UNC5C: variants seen among roughly 807,000 people sequenced by gnomAD.
The protein encoded by UNC5C is unc-5 netrin receptor C.
UNC5C carries 47 observed loss-of-function variants against 99.8 expected under a neutral mutation model. The ratio of observed to expected loss-of-function variants is 0.47; its 90% confidence interval spans 0.37 to 0.60. The LOEUF (loss-of-function observed/expected upper bound fraction) is 0.60. Among genes scored for constraint, UNC5C ranks in the 20% least tolerant of loss-of-function variants. The pLI is 0.00. For synonymous variants in UNC5C, 487 were observed against 452.2 expected, an observed-to-expected ratio of 1.08 and a Z score of -0.98; for missense variants, 1,062 against 1,165.9, an observed-to-expected ratio of 0.91 and a Z score of 1.30.
At chr4:95,414,835 A>C (rs1333930944) in intron 1 of UNC5C, among the ~76,000 whole-genome samples, 2 of 152,208 alleles carry the variant, frequency 1.3e-5, no homozygotes, top group African/African-American at 4.8e-5. Flanking sequence ...ATTTTCTTCA[A>C]GGAGGTTATA....
At chr4:95,222,886 A>G (rs1285183561) in intron 7 of UNC5C, among the ~76,000 whole-genome samples, 4 of 152,308 alleles carry the variant, frequency 2.6e-5, no homozygotes, top group South Asian at 2.1e-4. Flanking sequence ...CAGTTTGTCA[A>G]TGCAATGGAA....
intron 1 of UNC5C, among the ~76,000 whole-genome samples, chr4:95,481,660 G>A (rs1257632163): frequency 1.3e-5 from 2 of 152,030 alleles, no homozygotes; most frequent in African/African-American, 4.8e-5. Flanking sequence ...CCAAAACAGA[G>A]ATATAGACCA....
chr4:95,423,657 A>C (rs894157146), intron 1 of UNC5C, among the ~76,000 whole-genome samples: 3 of 152,344 alleles, frequency 2.0e-5, no homozygotes, highest in African/African-American at 4.8e-5. Flanking sequence ...CATTTAAAGA[A>C]GACTTAGAAG....
At chr4:95,324,155 C>T (rs1560786327) in intron 2 of UNC5C, among the ~76,000 whole-genome samples, 1 of 152,184 alleles carries the variant, frequency 6.6e-6, no homozygotes, top group South Asian at 2.1e-4. Context: ...TGGAACCGGG[C>T]CACATGGCAG....
chr4:95,170,354 A>G (rs1252886684), intron 14 of UNC5C, 22 bp from the exon 15 acceptor site: 9 of 1,610,012 alleles, frequency 5.6e-6, no homozygotes, highest in East Asian at 2.2e-5. Context: ...GGACAGGAAC[A>G]ACACAGCATT....
At chr4:95,446,836 C>T (rs1428940711) in intron 1 of UNC5C, among the ~76,000 whole-genome samples, 2 of 151,514 alleles carry the variant, frequency 1.3e-5, no homozygotes, top group African/African-American at 4.8e-5. Context: ...AATAATGGAG[C>T]ATTAAATACG....
At chr4:95,234,916 T>A (rs1372559858) in intron 7 of UNC5C, among the ~76,000 whole-genome samples, 1 of 152,208 alleles carries the variant, frequency 6.6e-6, no homozygotes, top group Non-Finnish European at 1.5e-5. Context: ...TATCACATAA[T>A]GAATCCAAGT....
chr4:95,497,895 C>A (rs1721672464), intron 1 of UNC5C, among the ~76,000 whole-genome samples: 2 of 151,760 alleles, frequency 1.3e-5, no homozygotes, highest in Admixed American at 1.3e-4. Context: ...TCATATAATC[C>A]TACATAATTC....
intron 1 of UNC5C, among the ~76,000 whole-genome samples, chr4:95,447,119 T>C (rs1488495223): frequency 6.6e-6 from 1 of 152,214 alleles, no homozygotes; most frequent in African/African-American, 2.4e-5. Context: ...TCTAGATACA[T>C]CTTCTTAGAT....
chr4:95,381,176 T>C (rs964284236), intron 1 of UNC5C, among the ~76,000 whole-genome samples: 4 of 152,198 alleles, frequency 2.6e-5, no homozygotes, highest in African/African-American at 7.2e-5. Context: ...AAATTTCTTA[T>C]AGGTACAGAG....
At chr4:95,220,198 T>C (rs765434040) in intron 7 of UNC5C, 22 bp from the exon 8 acceptor site, 1 of 1,596,558 alleles carries the variant, frequency 6.3e-7, no homozygotes, top group South Asian at 1.1e-5. Context: ...AGTGAAACAT[T>C]GAACCAGCTG....
intron 3 of UNC5C, among the ~76,000 whole-genome samples, chr4:95,280,747 C>G (rs763360254): frequency 2.2e-4 from 33 of 152,082 alleles, no homozygotes; most frequent in Admixed American, 7.2e-4. Flanking sequence ...GTTATCATAA[C>G]TTTAAAGTTA....
chr4:95,407,877 A>C (rs1026236188), intron 1 of UNC5C, among the ~76,000 whole-genome samples: 2 of 152,174 alleles, frequency 1.3e-5, no homozygotes, highest in Admixed American at 6.5e-5. Flanking sequence ...CAATAGTTGA[A>C]AGTCAATCAC....
chr4:95,238,774 A>C (rs934563946), intron 7 of UNC5C, among the ~76,000 whole-genome samples: 7 of 152,324 alleles, frequency 4.6e-5, no homozygotes, highest in East Asian at 3.9e-4. Flanking sequence ...GTTTCATAAG[A>C]TCTACATTCC....
Position 95,548,867 on chromosome 4 carries a change from A to G in UNC5C, c.-10T>C, listed in dbSNP as rs756256027. 5.9e-5 allele frequency: 95 copies of G among 1,604,640 alleles called. No homozygotes were observed. The highest frequency in any genetic ancestry group is 7.7e-5 in the Non-Finnish European group (91 of 1,174,998). On this transcript the variant is annotated 5_prime_UTR_variant, in exon 1 of 16. Coordinates refer to ENST00000453304, the MANE Select transcript of UNC5C (RefSeq NM_003728.4). The stretch of plus-strand genomic sequence containing the variant: ...GCAGACCTTTCCTCATCGTAGACAG[A>G]GGTGTGCCGGGGGGAGGGGAGGGGG...
chr4:95,248,212 ATT>A, intron 5 of UNC5C: 1 of 232,176 alleles, frequency 4.3e-6, no homozygotes, highest in Non-Finnish European at 8.5e-6. Flanking sequence ...CTCTTTTAGG[ATT>A]TTTTTTTTGG....
intron 2 of UNC5C, among the ~76,000 whole-genome samples, chr4:95,308,387 T>C (rs1742135951): frequency 6.6e-6 from 1 of 151,598 alleles, no homozygotes; most frequent in African/African-American, 2.4e-5. Context: ...TAGAAATAAA[T>C]TTAACCAAAG....
chr4:95,453,350 A>G (rs1026670471), intron 1 of UNC5C, among the ~76,000 whole-genome samples: 59 of 152,282 alleles, frequency 3.9e-4, no homozygotes, highest in African/African-American at 1.4e-3. Flanking sequence ...TATGCTAATA[A>G]AGCCAAATGT....
At chr4:95,242,834 TACAA>T (rs1215441276) in intron 6 of UNC5C, among the ~76,000 whole-genome samples, 1 of 152,212 alleles carries the variant, frequency 6.6e-6, no homozygotes, top group Admixed American at 6.5e-5. Context: ...GACTGAGACA[TACAA>T]AATCCAAAGT....
Sources: gnomAD v4.1 joint callset for allele counts (sites outside exome capture counted in the v4.1 genomes callset) on GRCh38, gnomAD v4.1.1 for gene constraint, MANE v1.5 for transcripts, NCBI Gene and HGNC (gene_info 2026-07-23, HGNC 2026-07-21) for gene names.